SVOPL: variants seen among roughly 807,000 people sequenced by gnomAD.
SVOPL encodes SVOP like, also known as putative transporter SVOPL.
A neutral mutation model predicts 61.0 loss-of-function variants in SVOPL; 60 were observed. That is an observed-to-expected ratio of 0.98 (90% confidence interval 0.80 to 1.22). The LOEUF (loss-of-function observed/expected upper bound fraction) is 1.22. Ranked by LOEUF, SVOPL falls within the 50% of genes most tolerant of loss-of-function variation. The pLI is 0.00. For missense variants in SVOPL, 662 were observed against 643.9 expected, an observed-to-expected ratio of 1.03 and a Z score of -0.30; for synonymous variants, 279 against 250.0, an observed-to-expected ratio of 1.12 and a Z score of -1.09.
intron 10 of SVOPL, 75 bp downstream of exon 10, chr7:138,629,974 C>A: frequency 8.3e-7 from 1 of 1,208,954 alleles, no homozygotes. Flanking sequence ...CAGTGGCACT[C>A]ACATAGATTT....
intron 3 of SVOPL, among the ~76,000 whole-genome samples, chr7:138,677,920 G>A (rs1322098945): frequency 6.6e-6 from 1 of 151,924 alleles, no homozygotes; most frequent in African/African-American, 2.4e-5. Flanking sequence ...CAGCCACCAA[G>A]CCCAGCTAAT....
chr7:138,684,605 CAA>C (rs2117130292), intron 1 of SVOPL, among the ~76,000 whole-genome samples: 1 of 152,262 alleles, frequency 6.6e-6, no homozygotes, highest in South Asian at 2.1e-4. Flanking sequence ...ATCAAAAGGT[CAA>C]GAGAGAGATA....
At chr7:138,647,581 T>C (rs1163107488) in intron 8 of SVOPL, among the ~76,000 whole-genome samples, 9 of 152,036 alleles carry the variant, frequency 5.9e-5, no homozygotes, top group Admixed American at 5.9e-4. Context: ...CCGGGTGTGG[T>C]GGCTCACACC....
At position 138,656,434 on chromosome 7, in the gene SVOPL, C is replaced by T. The variant is rs78756216; in HGVS notation, c.534+14G>A. ...AGGATGCCAAAGGCAGGTAGAACTC[C>T]TACGTTGCCTTACCTGAGACAAGGG... On this transcript the variant is annotated intron_variant, in intron 7 of 15. Transcript: ENST00000674285. 25,410 of 1,613,598 alleles carry T rather than the reference C, an allele frequency of 0.016. 357 individuals are homozygous for T. The highest frequency in any genetic ancestry group is 0.059 in the South Asian group (5,402 of 91,018).
chr7:138,686,171 G>A (rs868142964), intron 1 of SVOPL, among the ~76,000 whole-genome samples: 4 of 152,192 alleles, frequency 2.6e-5, no homozygotes, highest in South Asian at 4.1e-4. Context: ...GGGAGGCCGA[G>A]GTGGGTGGAT....
At position 138,630,073 on chromosome 7, in the gene SVOPL, GT is replaced by G. The variant is rs772491470; in HGVS notation, c.838del (p.Thr280ProfsTer43). 17 of 1,613,882 alleles carry G rather than the reference GT, an allele frequency of 1.1e-5. No homozygotes were observed. The Admixed American group carries it at 1.7e-4, about 16-fold the overall frequency. On this transcript the variant is annotated frameshift_variant, in exon 10 of 16. Coordinates refer to ENST00000674285, the MANE Select transcript of SVOPL (RefSeq NM_001139456.2). LOFTEE classifies it high-confidence loss of function. ...ADLLDAKYLR[T>X]TLQIWVIWLG... ...CCATATGACCCAGATCTGTAATGTGGTCCGTAAATATTTAGCATCCAATAGG... is the reference window on the plus strand; with the variant it reads ...CCATATGACCCAGATCTGTAATGTGGCCGTAAATATTTAGCATCCAATAGG...
At position 138,608,815 on chromosome 7, in the gene SVOPL, G is replaced by GTC. The variant is rs1798869357; in HGVS notation, c.1353+12229_1353+12230dup. On this transcript the variant is annotated intron_variant, in intron 14 of 15. Coordinates refer to ENST00000674285, the MANE Select transcript of SVOPL (RefSeq NM_001139456.2). ...CAGAGAAATACTGATACATTTGAGT[G>GTC]TCTATGAACCCCGCACAGAAAAAGG... 2.0e-5 allele frequency among the ~76,000 whole-genome samples: 3 copies of GTC among 152,148 alleles called. No homozygotes were observed. In the South Asian group the frequency reaches 6.2e-4, roughly 32 times the overall value.
At position 138,679,075 on chromosome 7, in the gene SVOPL, C is replaced by T. The variant is rs553647649; in HGVS notation, c.-30G>A. 1.8e-5 allele frequency: 28 copies of T among 1,542,616 alleles called. No individual in the cohort carries two copies. The East Asian group carries it at 5.4e-4, about 30-fold the overall frequency. On this transcript the variant is annotated 5_prime_UTR_variant, in exon 2 of 16. Transcript: ENST00000674285. ...TAAATAGCTCAAGTTCCCCAAACAG[C>T]TTCCCTGGTGGAAGCAAGGGAGGGA... is the stretch of plus-strand genomic sequence containing the variant.
At chr7:138,627,208 G>A in intron 12 of SVOPL, 142 bp downstream of exon 12, 1 of 605,478 alleles carries the variant, frequency 1.7e-6, no homozygotes, top group Non-Finnish European at 2.9e-6. Context: ...GAACAGGCAA[G>A]ACCATTCTAG....
chr7:138,615,685 C>T (rs1306564227), intron 14 of SVOPL, among the ~76,000 whole-genome samples: 1 of 86,452 alleles, frequency 1.2e-5, no homozygotes, highest in African/African-American at 3.1e-5. Context: ...GTCTCAGCTA[C>T]TTGGAAGGCT....
chr7:138,649,211 T>C (rs1801300004), intron 7 of SVOPL, 74 bp from the exon 8 acceptor site: 3 of 1,495,886 alleles, frequency 2.0e-6, no homozygotes, highest in South Asian at 1.3e-5. Context: ...GAAAAATATA[T>C]ATTTTTAGAA....
intron 7 of SVOPL, among the ~76,000 whole-genome samples, chr7:138,654,885 TAA>T (rs34546434): frequency 0.021 from 1,834 of 88,250 alleles, 38 homozygotes; most frequent in African/African-American, 0.089. Context: ...TTTTTTTTTT[TAA>T]AAAAAAAAAG....
At chr7:138,671,099 G>C (rs1440571409) in intron 4 of SVOPL, among the ~76,000 whole-genome samples, 1 of 151,930 alleles carries the variant, frequency 6.6e-6, no homozygotes, top group African/African-American at 2.4e-5. Context: ...TTGCATGGAG[G>C]GTTTATATGT....
At chr7:138,642,847 A>AAAAAAAAAAAAAAAAAAAAC (rs1800887170) in intron 9 of SVOPL, among the ~76,000 whole-genome samples, 1 of 20,216 alleles carries the variant, frequency 4.9e-5, no homozygotes, top group African/African-American at 8.7e-5. Flanking sequence ...AAAAAAAAAA[A>AAAAAAAAAAAAAAAAAAAAC]AAAGAAGAAA....
At chr7:138,651,063 T>A (rs1801409587) in intron 7 of SVOPL, among the ~76,000 whole-genome samples, 1 of 151,516 alleles carries the variant, frequency 6.6e-6, no homozygotes, top group African/African-American at 2.4e-5. Flanking sequence ...TGAGAGCACC[T>A]AAAGGAGGCA....
chr7:138,656,195 G>A (rs1382433024), intron 7 of SVOPL, among the ~76,000 whole-genome samples: 1 of 152,154 alleles, frequency 6.6e-6, no homozygotes, highest in African/African-American at 2.4e-5. Flanking sequence ...CAGCAATCAA[G>A]TATTTTAAAA....
chr7:138,613,371 A>G (rs1407951055), intron 14 of SVOPL, among the ~76,000 whole-genome samples: 1 of 151,880 alleles, frequency 6.6e-6, no homozygotes, highest in African/African-American at 2.4e-5. Flanking sequence ...CCTGCTTAAA[A>G]CCCTTAAAGT....
intron 4 of SVOPL, 23 bp downstream of exon 4, chr7:138,671,996 C>A: frequency 1.3e-6 from 2 of 1,548,944 alleles, no homozygotes; most frequent in Non-Finnish European, 1.7e-6. Context: ...GCTGTGTTCA[C>A]GGCACAGGGA....
chr7:138,685,488 A>G (rs1802787171), intron 1 of SVOPL, among the ~76,000 whole-genome samples: 1 of 152,216 alleles, frequency 6.6e-6, no homozygotes, highest in South Asian at 2.1e-4. Context: ...TTTTGGCTAT[A>G]CAAGATGAAT....
Sources: allele counts gnomAD v4.1 joint callset (sites outside exome capture counted in the v4.1 genomes callset), GRCh38; gene constraint gnomAD v4.1.1; transcripts MANE v1.5; gene names NCBI Gene and HGNC (gene_info 2026-07-23, HGNC 2026-07-21).